Variants in YAF2 observed in about 807,000 individuals in gnomAD.
YAF2 encodes the protein YY1-associated factor 2.
A neutral mutation model predicts 20.1 loss-of-function variants in YAF2; 7 were observed. The ratio of observed to expected loss-of-function variants is 0.35; its 90% CI spans 0.20 to 0.65. YAF2 has a LOEUF of 0.65. YAF2 is among the 30% of genes least tolerant of loss of function. The pLI is 0.69. For synonymous variants in YAF2, 74 were observed against 76.0 expected, an observed-to-expected ratio of 0.97 and a Z score of 0.14; for missense variants, 151 against 219.2, an observed-to-expected ratio of 0.69 and a Z score of 1.96.
At position 42,160,789 on chromosome 12, in the gene YAF2, G is replaced by T. The variant is rs759198704; in HGVS notation, c.343C>A (p.His115Asn). Residue 115 changes from histidine to asparagine, a missense_variant, in exon 4 of 4, where the codon CAT becomes AAT. His to Asn is a moderately conservative substitution (Grantham distance 68). Coordinates refer to ENST00000534854, the MANE Select transcript of YAF2 (RefSeq NM_005748.6). ...AGATCTCCAACAGTAACTTCCAAAT[G>T]CTGAGCACTACTCCGATCCACATTT... is the stretch of plus-strand genomic sequence containing the variant. ...LKNVDRSSAQ[H>N]LEVTVGDLTV... The T allele has an allele frequency of 1.9e-6, 3 of 1,613,632 alleles. No homozygotes were observed. The highest frequency in any genetic ancestry group is 1.7e-6 in the Non-Finnish European group (2 of 1,179,828).
At chr12:42,201,628 G>A (rs989270781) in intron 2 of YAF2, among the ~76,000 whole-genome samples, 1 of 152,168 alleles carries the variant, frequency 6.6e-6, no homozygotes, top group Non-Finnish European at 1.5e-5. Flanking sequence ...CTGGAGGGCA[G>A]TGGCACAATC....
Position 42,157,258 on chromosome 12 carries a change from G to A in YAF2, c.*3331C>T, listed in dbSNP as rs2065725565. 1.3e-5 allele frequency: 2 copies of A among 152,214 alleles called. No homozygotes were observed. Among genetic ancestry groups the A allele is most frequent in the Non-Finnish European group, 2.9e-5 (2 of 68,042 alleles). 9.4% of individuals were successfully genotyped at this position (152,214 alleles called of 1,614,324 possible). On this transcript the variant is annotated 3_prime_UTR_variant, in exon 4 of 4. Transcript: ENST00000534854. The stretch of plus-strand genomic sequence containing the variant: ...GGGCAAAGAGAACAGAACACAAGAA[G>A]CATCCTCACTTCATAACAACCCACT...
At chr12:42,206,974 TTCTC>T (rs1170136463) in intron 2 of YAF2, among the ~76,000 whole-genome samples, 2 of 152,060 alleles carry the variant, frequency 1.3e-5, no homozygotes, top group African/African-American at 4.8e-5. Flanking sequence ...TTTACCTTTT[TTCTC>T]TCTCTCTCCA....
intron 2 of YAF2, among the ~76,000 whole-genome samples, chr12:42,175,681 C>T (rs1237370706): frequency 7.7e-6 from 1 of 129,822 alleles, no homozygotes; most frequent in African/African-American, 2.9e-5. Context: ...TTGAGACCAT[C>T]CTGGCCAACG....
chr12:42,167,376 C>G (rs1592152753), intron 2 of YAF2, among the ~76,000 whole-genome samples: 1 of 152,152 alleles, frequency 6.6e-6, no homozygotes, highest in East Asian at 1.9e-4. Context: ...AATCAAATAA[C>G]TAAGATCCCG....
chr12:42,217,829 A>G (rs1421250377), intron 2 of YAF2, among the ~76,000 whole-genome samples: 1 of 152,180 alleles, frequency 6.6e-6, no homozygotes, highest in African/African-American at 2.4e-5. Flanking sequence ...TTGAGAGGGC[A>G]TTCACTCTGA....
chr12:42,229,421 T>TTA (rs1257171974), intron 2 of YAF2, among the ~76,000 whole-genome samples: 4 of 143,242 alleles, frequency 2.8e-5, no homozygotes, highest in African/African-American at 1.0e-4. Context: ...AAAAATAAAT[T>TTA]AAAAAAAAAA....
At chr12:42,174,770 G>C (rs967050487) in intron 2 of YAF2, among the ~76,000 whole-genome samples, 7 of 151,984 alleles carry the variant, frequency 4.6e-5, no homozygotes, top group Admixed American at 2.0e-4. Context: ...ACTTGCAATG[G>C]CATTTTAAAA....
chr12:42,230,933 A>C (rs1253314611), intron 2 of YAF2, among the ~76,000 whole-genome samples: 1 of 152,212 alleles, frequency 6.6e-6, no homozygotes, highest in African/African-American at 2.4e-5. Context: ...AGATTGGGCC[A>C]CTGAGTTAAA....
intron 2 of YAF2, among the ~76,000 whole-genome samples, chr12:42,196,849 C>T (rs1490065478): frequency 2.0e-5 from 3 of 152,096 alleles, no homozygotes; most frequent in South Asian, 2.1e-4. Context: ...ATGAGCAAAC[C>T]GATACCACCA....
chr12:42,190,764 GA>G (rs2066592906), intron 2 of YAF2, among the ~76,000 whole-genome samples: 1 of 151,876 alleles, frequency 6.6e-6, no homozygotes, highest in South Asian at 2.1e-4. Flanking sequence ...TTTTTTCAGG[GA>G]CAATAATTTT....
At chr12:42,166,591 C>T (rs2065922195) in intron 2 of YAF2, among the ~76,000 whole-genome samples, 1 of 152,090 alleles carries the variant, frequency 6.6e-6, no homozygotes, top group Non-Finnish European at 1.5e-5. Context: ...AATATTTGTT[C>T]ACTTATCAAT....
At chr12:42,235,083 G>A (rs1038222113) in intron 2 of YAF2, 3 of 985,468 alleles carry the variant, frequency 3.0e-6, no homozygotes, top group South Asian at 9.4e-5. Context: ...CAAATGTCTA[G>A]AATGGCTTAG....
rs536678910 is a variant in YAF2, at chr12:42,195,002, A to G, written c.153-33237T>C. On this transcript the variant is annotated intron_variant, in intron 2 of 3. Coordinates refer to ENST00000534854, the MANE Select transcript of YAF2 (RefSeq NM_005748.6). ...GTACATCAAGATCTTCTAAACTCCA[A>G]TATTAGTTAAAATATTATACCAACA... Among the ~76,000 whole-genome samples the G allele has an allele frequency of 2.0e-5, 3 of 152,330 alleles. No homozygotes were observed. The South Asian group carries it at 6.2e-4, about 32-fold the overall frequency.
intron 2 of YAF2, among the ~76,000 whole-genome samples, chr12:42,168,675 C>G (rs116412260): frequency 0.01 from 1,597 of 152,124 alleles, 29 homozygotes; most frequent in African/African-American, 0.037. Flanking sequence ...TTTAAAAAAA[C>G]AAGAACACTC....
At chr12:42,236,145 A>C in intron 2 of YAF2, 1 of 1,242,048 alleles carries the variant, frequency 8.1e-7, no homozygotes, top group Non-Finnish European at 1.1e-6. Context: ...CCTCCAAAAA[A>C]CGAATTTTCT....
At chr12:42,187,361 T>C (rs570030260) in intron 2 of YAF2, among the ~76,000 whole-genome samples, 107 of 152,168 alleles carry the variant, frequency 7.0e-4, no homozygotes, top group Non-Finnish European at 9.4e-4. Flanking sequence ...GGTTCTGTTA[T>C]GTTGCCCAGG....
chr12:42,236,692 ATAGTT>A (rs2068169601), intron 2 of YAF2, among the ~76,000 whole-genome samples: 1 of 152,330 alleles, frequency 6.6e-6, no homozygotes, highest in Admixed American at 6.5e-5. Flanking sequence ...GCTTATTGTT[ATAGTT>A]TAGTTTCTAA....
intron 2 of YAF2, among the ~76,000 whole-genome samples, chr12:42,211,886 T>C (rs529692034): frequency 3.3e-5 from 5 of 151,782 alleles, no homozygotes; most frequent in Admixed American, 1.3e-4. Flanking sequence ...CCGTCTCTAC[T>C]AAAAATACAA....
Sources: allele counts gnomAD v4.1 joint callset (sites outside exome capture counted in the v4.1 genomes callset), GRCh38; gene constraint gnomAD v4.1.1; transcripts MANE v1.5; gene names NCBI Gene and HGNC (gene_info 2026-07-23, HGNC 2026-07-21).